The following CYP19A1 variants were observed in gnomAD, a reference collection of about 807,000 sequenced individuals.
CYP19A1 encodes the protein cytochrome P450 family 19 subfamily A member 1, also known as aromatase.
CYP19A1 carries 32 observed loss-of-function variants against 44.4 expected under a neutral mutation model. That is an observed-to-expected ratio of 0.72 (90% CI 0.54 to 0.97). The LOEUF (loss-of-function observed/expected upper bound fraction) is 0.97. Ranked by LOEUF, CYP19A1 falls within the 50% of genes least tolerant of loss-of-function variation. CYP19A1 has a pLI of 0.00. For synonymous variants in CYP19A1, 212 were observed against 215.6 expected (o/e 0.98, Z 0.14); for missense variants, 598 against 637.8 (o/e 0.94, Z 0.67).
chr15:51,299,414 A>G (rs755473000), intron 1 of CYP19A1, among the ~76,000 whole-genome samples: 4 of 152,150 alleles, frequency 2.6e-5, no homozygotes, highest in Non-Finnish European at 4.4e-5. Flanking sequence ...GGATCATCCA[A>G]TAATTTTGAC....
At chr15:51,309,351 G>A (rs550336927) in intron 1 of CYP19A1, among the ~76,000 whole-genome samples, 2 of 152,158 alleles carry the variant, frequency 1.3e-5, no homozygotes, top group South Asian at 2.1e-4. Flanking sequence ...TAAGCTACCC[G>A]GTCTATGGTA....
intron 1 of CYP19A1, among the ~76,000 whole-genome samples, chr15:51,281,796 TA>T (rs2035528122): frequency 6.6e-6 from 1 of 151,942 alleles, no homozygotes; most frequent in African/African-American, 2.4e-5. Flanking sequence ...GAGTAAAGGG[TA>T]CACTGACTTC....
chr15:51,287,686 G>A (rs1001468898), intron 1 of CYP19A1, among the ~76,000 whole-genome samples: 1 of 152,134 alleles, frequency 6.6e-6, no homozygotes, highest in Non-Finnish European at 1.5e-5. Flanking sequence ...CAGTTGTTCA[G>A]TTAAGACCCC....
chr15:51,221,609 A>T (rs2032084458), intron 5 of CYP19A1: 1 of 152,244 alleles, frequency 6.6e-6, no homozygotes, highest in Non-Finnish European at 1.5e-5. Context: ...TAGCTGAAAT[A>T]TTGGCATTTG....
chr15:51,221,265 T>G (rs1458307788), intron 5 of CYP19A1: 2 of 152,186 alleles, frequency 1.3e-5, no homozygotes, highest in Non-Finnish European at 2.9e-5. Context: ...GCTTGTGAAT[T>G]TTTCTTTGTG....
intron 1 of CYP19A1, among the ~76,000 whole-genome samples, chr15:51,299,667 G>T (rs905055296): frequency 2.6e-5 from 4 of 152,246 alleles, no homozygotes; most frequent in Non-Finnish European, 5.9e-5. Context: ...TCAGTGAGAA[G>T]TTCCTTTACA....
At chr15:51,304,094 A>T (rs61097205) in intron 1 of CYP19A1, among the ~76,000 whole-genome samples, 3,524 of 152,312 alleles carry the variant, frequency 0.023, 123 homozygotes, top group East Asian at 0.14. Context: ...GTCATTAGAA[A>T]CAACGGTGCT....
intron 1 of CYP19A1, among the ~76,000 whole-genome samples, chr15:51,274,604 G>T (rs1413413124): frequency 6.6e-6 from 1 of 152,166 alleles, no homozygotes; most frequent in African/African-American, 2.4e-5. Context: ...AGTGTTTCTA[G>T]CCAAAAGACT....
rs779551113 is a variant in CYP19A1 at position 51,210,658 on chromosome 15, A to G, written c.*150T>C. ...CAGGAGCAGATGACAAATAGCACCTAGCTTGGTGACAACCCATAGGAGGTA... is the reference window on the plus strand; with the variant it reads ...CAGGAGCAGATGACAAATAGCACCTGGCTTGGTGACAACCCATAGGAGGTA... On this transcript the variant is annotated 3_prime_UTR_variant, in exon 10 of 10. Transcript: ENST00000396402. 9.2e-6 allele frequency: 7 copies of G among 763,126 alleles called. No homozygotes were observed. The highest frequency in any genetic ancestry group is 1.7e-5 in the Non-Finnish European group (7 of 414,960). 47.3% of individuals were successfully genotyped at this position (763,126 alleles called of 1,614,324 possible).
chr15:51,307,784 T>C (rs1273560780), intron 1 of CYP19A1, among the ~76,000 whole-genome samples: 1 of 152,152 alleles, frequency 6.6e-6, no homozygotes, highest in Non-Finnish European at 1.5e-5. Flanking sequence ...AGTTTCATTT[T>C]CCCCCACCCA....
At position 51,215,070 on chromosome 15, in the gene CYP19A1, C is replaced by G. The variant is rs750488471; in HGVS notation, c.1021G>C (p.Gly341Arg). ...TATTATTTATTTGATAAATTCTTACCAATAACAGTCTGGATTTCCTTTATT... is the reference window on the plus strand; with the variant it reads ...TATTATTTATTTGATAAATTCTTACGAATAACAGTCTGGATTTCCTTTATT... The part of the protein sequence containing the change: ...AIIKEIQTVI[G>R]ERDIKIDDIQ... Residue 341 changes from glycine (G) to arginine (R), a missense_variant and splice_region_variant, in exon 8 of 10, where the codon GGT becomes CGT. Gly to Arg is a moderately radical substitution (Grantham distance 125). Coordinates refer to ENST00000396402, the MANE Select transcript of CYP19A1 (RefSeq NM_000103.4). 1 of 1,612,506 alleles carries G rather than the reference C, an allele frequency of 6.2e-7. No individual in the cohort carries two copies. Among genetic ancestry groups the G allele is most frequent in the African/African-American group, 1.3e-5 (1 of 74,784 alleles).
At chr15:51,212,812 G>C (rs1275309994) in intron 8 of CYP19A1, among the ~76,000 whole-genome samples, 3 of 152,194 alleles carry the variant, frequency 2.0e-5, no homozygotes, top group African/African-American at 7.2e-5. Flanking sequence ...TGAATGTCCA[G>C]AAAATTTGGT....
At position 51,313,419 on chromosome 15, in the gene CYP19A1, A is replaced by G. The variant is rs548712275; in HGVS notation, c.-39+25076T>C. Among the ~76,000 whole-genome samples the G allele has an allele frequency of 8.0e-4, 122 of 152,312 alleles. 1 individual carries two copies. The highest frequency in any genetic ancestry group is 2.8e-3 in the African/African-American group (118 of 41,572). On this transcript the variant is annotated intron_variant, in intron 1 of 9. Coordinates refer to ENST00000396402, the MANE Select transcript of CYP19A1 (RefSeq NM_000103.4). ...ACCTTAGGAGCCATGTTCTTATGGC[A>G]TGGAGCCTGCAGAAGGGGCTGAGAA...
intron 1 of CYP19A1, among the ~76,000 whole-genome samples, chr15:51,263,532 T>G (rs80314799): frequency 0.018 from 2,667 of 152,308 alleles, 96 homozygotes; most frequent in African/African-American, 0.062. Context: ...GGTGGATTCT[T>G]GCATATATTT....
Position 51,210,821 on chromosome 15 carries a change from C to G in CYP19A1, c.1499G>C (p.Cys500Ser). ...MIFTPRNSDRCLEH is the reference protein window; with the variant it reads ...MIFTPRNSDRSLEH The stretch of plus-strand genomic sequence containing the variant: ...GACCAGCCTTCTCTAGTGTTCCAGA[C>G]ACCTGTCTGAGTTTCTTGGGGTAAA... Residue 500 changes from cysteine to serine, a missense_variant, in exon 10 of 10, where the codon TGT (cysteine) becomes TCT (serine). Transcript: ENST00000396402. The G allele has an allele frequency of 6.3e-7, 1 of 1,592,528 alleles. No homozygotes were observed.
intron 1 of CYP19A1, among the ~76,000 whole-genome samples, chr15:51,305,720 T>C (rs1348042475): frequency 6.6e-6 from 1 of 152,004 alleles, no homozygotes; most frequent in Non-Finnish European, 1.5e-5. Flanking sequence ...ATCACCACAC[T>C]GGGCTAATTT....
At chr15:51,220,121 G>T (rs1028962459) in intron 5 of CYP19A1, among the ~76,000 whole-genome samples, 1 of 152,186 alleles carries the variant, frequency 6.6e-6, no homozygotes, top group Non-Finnish European at 1.5e-5. Flanking sequence ...TTAAAAGTAC[G>T]CATTGTTCCT....
At chr15:51,319,353 A>G (rs567781432) in intron 1 of CYP19A1, among the ~76,000 whole-genome samples, 47 of 152,280 alleles carry the variant, frequency 3.1e-4, no homozygotes, top group Non-Finnish European at 5.3e-4. Flanking sequence ...TACTTAAAGT[A>G]TCTGAAGATC....
At position 51,210,726 on chromosome 15, in the gene CYP19A1, A is replaced by T; in HGVS notation, c.*82T>A. On this transcript the variant is annotated 3_prime_UTR_variant, in exon 10 of 10. Coordinates refer to ENST00000396402, the MANE Select transcript of CYP19A1 (RefSeq NM_000103.4). Reference sequence around the variant, plus strand: ...GGGCCACTGAGTGTTCACTGTGAGGATGACACTATTGGCAAGGATGGATGA... The same window carrying T: ...GGGCCACTGAGTGTTCACTGTGAGGTTGACACTATTGGCAAGGATGGATGA... The T allele has an allele frequency of 1.1e-6, 1 of 922,420 alleles. No individual in the cohort carries two copies. Among genetic ancestry groups the T allele is most frequent in the Non-Finnish European group, 1.8e-6 (1 of 548,384 alleles). 57.1% of individuals were successfully genotyped at this position (922,420 alleles called of 1,614,324 possible).
Sources: gnomAD v4.1 joint callset for allele counts (sites outside exome capture counted in the v4.1 genomes callset) on GRCh38, gnomAD v4.1.1 for gene constraint, MANE v1.5 for transcripts, NCBI Gene and HGNC (gene_info 2026-07-23, HGNC 2026-07-21) for gene names.